Variants in SEPTIN9 observed in about 807,000 individuals in gnomAD.
The protein encoded by SEPTIN9 is septin 9, also known as septin-9.
A neutral mutation model predicts 56.6 loss-of-function variants in SEPTIN9; 13 were observed. The observed-to-expected ratio is 0.23, with a 90% CI of 0.15 to 0.37. The LOEUF is 0.37. Among genes scored for constraint, SEPTIN9 ranks in the 10% least tolerant of loss-of-function variants. The probability of loss-of-function intolerance (pLI) is 1.00; values close to 1 mark genes in which losing one functional copy is unlikely to be tolerated. For missense variants in SEPTIN9, 650 were observed against 823.1 expected (o/e 0.79, Z 2.57); for synonymous variants, 332 against 334.1 (o/e 0.99, Z 0.07).
intron 2 of SEPTIN9, among the ~76,000 whole-genome samples, chr17:77,392,993 C>T (rs1036988815): frequency 1.3e-5 from 2 of 152,140 alleles, no homozygotes; most frequent in African/African-American, 4.8e-5. Flanking sequence ...CCTCCCTATC[C>T]GGAGCCTGCT....
intron 2 of SEPTIN9, among the ~76,000 whole-genome samples, chr17:77,337,270 A>C (rs1227941366): frequency 6.6e-6 from 1 of 152,060 alleles, no homozygotes; most frequent in Non-Finnish European, 1.5e-5. Flanking sequence ...CTGCCTCCCA[A>C]AGTGCTGAGA....
intron 3 of SEPTIN9, among the ~76,000 whole-genome samples, chr17:77,407,406 T>C (rs1036764729): frequency 6.6e-6 from 1 of 151,804 alleles, no homozygotes; most frequent in African/African-American, 2.4e-5. Context: ...GATGGCTTTT[T>C]TGTGGTTCTT....
rs2033004429 is a variant in SEPTIN9, at chr17:77,323,179, C to T, written c.76+15982C>T. Among the ~76,000 whole-genome samples the T allele has an allele frequency of 6.6e-6, 1 of 152,128 alleles. No homozygotes were observed. Among genetic ancestry groups the T allele is most frequent in the African/African-American group, 2.4e-5 (1 of 41,434 alleles). On this transcript the variant is annotated intron_variant, in intron 2 of 11. Transcript: ENST00000427177. This position sits in a 1 kb window ranked among gnomAD's most constrained non-coding sequence, Gnocchi z 6.8. ...GAACGGGGGCCTGGGTACTCTCCCG[C>T]CCTCCCTGGGGGCTGTGGCCTTCCC...
chr17:77,492,883 G>T lies in SEPTIN9; in HGVS notation c.1477-97G>T. 7.8e-7 allele frequency: 1 copy of T among 1,282,054 alleles called. No individual in the cohort carries two copies. Among genetic ancestry groups the T allele is most frequent in the Non-Finnish European group, 1.1e-6 (1 of 896,102 alleles). 79.4% of individuals were successfully genotyped at this position (1,282,054 alleles called of 1,614,324 possible). A position where few individuals can be genotyped will look rare whatever the true frequency, so the allele number is the denominator to read the frequency against. ...CTGTCAGGCTGAGGCTCTCGTTTTT[G>T]GGGGACCCCAGGCTCAGGGCAGCTC... On this transcript the variant is annotated intron_variant, in intron 9 of 11. Transcript: ENST00000427177. This position sits in a 1 kb window ranked among gnomAD's most constrained non-coding sequence, Gnocchi z 5.4.
chr17:77,467,083 G>A (rs1453421700), intron 3 of SEPTIN9, among the ~76,000 whole-genome samples: 3 of 152,194 alleles, frequency 2.0e-5, no homozygotes, highest in Non-Finnish European at 1.5e-5. Flanking sequence ...TCTTCCGCTG[G>A]GGCCGGCCAT....
chr17:77,401,926 G>C, intron 2 of SEPTIN9, 133 bp from the exon 3 acceptor site: 1 of 838,210 alleles, frequency 1.2e-6, no homozygotes, highest in Non-Finnish European at 1.8e-6. Context: ...GCTGAGACAT[G>C]AAGGACGGGA....
At chr17:77,284,079 G>A (rs971146109) in intron 1 of SEPTIN9, among the ~76,000 whole-genome samples, 2 of 130,822 alleles carry the variant, frequency 1.5e-5, no homozygotes, top group Non-Finnish European at 3.2e-5. Flanking sequence ...GGCCAGGTGC[G>A]CTTGAAGTCC....
chr17:77,487,315 G>A lies in SEPTIN9; in HGVS notation c.914-109G>A, dbSNP rs2039834909. 6.4e-6 allele frequency: 8 copies of A among 1,258,904 alleles called. No homozygotes were observed. The highest frequency in any genetic ancestry group is 1.5e-5 in the African/African-American group (1 of 67,052). The allele number at this position is 1,258,904 out of a possible 1,614,324, so 78.0% of individuals were successfully genotyped here. A position where few individuals can be genotyped will look rare whatever the true frequency, so the allele number is the denominator to read the frequency against. On this transcript the variant is annotated intron_variant, in intron 4 of 11. Coordinates refer to ENST00000427177, the MANE Select transcript of SEPTIN9 (RefSeq NM_001113491.2). The surrounding 1 kb of genome is among the most constrained non-coding windows in gnomAD (Gnocchi z 4.3). ...ATTGCCGGGAGGTAGCCCAGGCACTGCTGAATCTCAGACTGGAGAGCCTCG... is the reference window on the plus strand; with the variant it reads ...ATTGCCGGGAGGTAGCCCAGGCACTACTGAATCTCAGACTGGAGAGCCTCG...
chr17:77,373,117 C>T, intron 2 of SEPTIN9: 2 of 891,286 alleles, frequency 2.2e-6, no homozygotes, highest in East Asian at 7.9e-5. Flanking sequence ...TGGGCGCGGG[C>T]CAGGCGGGGA....
chr17:77,412,769 C>T (rs562150776), intron 3 of SEPTIN9, among the ~76,000 whole-genome samples: 7 of 151,946 alleles, frequency 4.6e-5, no homozygotes, highest in South Asian at 2.1e-4. Flanking sequence ...ACAGCAGGTA[C>T]GAGTATCTTG....
intron 2 of SEPTIN9, among the ~76,000 whole-genome samples, chr17:77,356,240 G>T (rs958833433): frequency 6.6e-6 from 1 of 152,164 alleles, no homozygotes; most frequent in Non-Finnish European, 1.5e-5. Flanking sequence ...GCACCGCGAG[G>T]CTTCCTAAGC....
Position 77,447,979 on chromosome 17 carries a change from C to T in SEPTIN9, c.722-34165C>T, listed in dbSNP as rs138008466. Among the ~76,000 whole-genome samples the T allele has an allele frequency of 1.6e-3, 247 of 152,268 alleles. 1 individual carries two copies. The highest frequency in any genetic ancestry group is 2.8e-3 in the Non-Finnish European group (193 of 68,028). ...TTTCTGAAAGTGAAATGTCCCCAGG[C>T]GGGTGACACTGATGGTGGGATCTGT... On this transcript the variant is annotated intron_variant, in intron 3 of 11. Transcript: ENST00000427177.
intron 3 of SEPTIN9, among the ~76,000 whole-genome samples, chr17:77,428,376 G>A (rs1297533452): frequency 6.6e-6 from 1 of 152,188 alleles, no homozygotes; most frequent in East Asian, 1.9e-4. Flanking sequence ...GTCAAGGGAG[G>A]GCTGTGAGTG....
intron 2 of SEPTIN9, chr17:77,373,378 G>A (rs1449087185): frequency 2.5e-6 from 3 of 1,217,796 alleles, no homozygotes; most frequent in East Asian, 7.1e-5. Context: ...CTCCTCCGGC[G>A]GCTAGCTCTG....
Position 77,490,858 on chromosome 17 carries a change from G to A in SEPTIN9, c.1379G>A (p.Arg460Gln), listed in dbSNP as rs750371718. The change falls in exon 8 of 12, where the codon CGG becomes CAG. Residue 460 changes from arginine (R) to glutamine (Q), a missense_variant and splice_region_variant. Physicochemically the swap from Arg to Gln is conservative, Grantham distance 43 (BLOSUM62 1). Around this residue, in one of 2 missense-constraint regions of SEPTIN9, gnomAD observed 333 missense variants for 494.0 expected, o/e 0.67. Coordinates refer to ENST00000427177, the MANE Select transcript of SEPTIN9 (RefSeq NM_001113491.2). The stretch of plus-strand genomic sequence containing the variant: ...GAGGAGAGGGTCCACTTCAAACAGC[G>A]GGTAGGGTTCCATCTCTACTTGCCC... ...TLEERVHFKQRITADLLSNGI... is the reference protein window; with the variant it reads ...TLEERVHFKQQITADLLSNGI... The A allele has an allele frequency of 2.4e-5, 38 of 1,570,004 alleles. No homozygotes were observed. Among genetic ancestry groups the A allele is most frequent in the Middle Eastern group, 3.3e-4 (2 of 6,002 alleles).
chr17:77,320,765 G>A (rs1346042924), intron 2 of SEPTIN9, among the ~76,000 whole-genome samples: 1 of 152,246 alleles, frequency 6.6e-6, no homozygotes, highest in Non-Finnish European at 1.5e-5. Context: ...TCCAGCCAAA[G>A]TCTGTCTTCA....
At chr17:77,490,616 C>T in intron 7 of SEPTIN9, 126 bp from the exon 8 acceptor site, 1 of 750,782 alleles carries the variant, frequency 1.3e-6, no homozygotes. Context: ...GGGCCCTGTC[C>T]TTGCCAGCAG....
chr17:77,360,563 TTTTG>T (rs1433659597), intron 2 of SEPTIN9, among the ~76,000 whole-genome samples: 1 of 142,882 alleles, frequency 7.0e-6, no homozygotes, highest in Non-Finnish European at 1.6e-5. Flanking sequence ...TGTTTTTGTT[TTTTG>T]TTTCTTTTTT....
At chr17:77,333,519 G>A (rs1341964856) in intron 2 of SEPTIN9, among the ~76,000 whole-genome samples, 3 of 152,260 alleles carry the variant, frequency 2.0e-5, no homozygotes, top group Non-Finnish European at 4.4e-5. Flanking sequence ...GAGCCACCAT[G>A]CCCGGCCTGT....
Sources: allele counts gnomAD v4.1 joint callset (sites outside exome capture counted in the v4.1 genomes callset), GRCh38; gene constraint gnomAD v4.1.1; regional missense constraint gnomAD v4.1.1; non-coding constraint Gnocchi (gnomAD v3.1); transcripts MANE v1.5; gene names NCBI Gene and HGNC (gene_info 2026-07-23, HGNC 2026-07-21).